Variants in LAMP2 observed in about 807,000 individuals in gnomAD.
LAMP2 encodes lysosome associated membrane protein 2.
In LAMP2, 4 loss-of-function variants were observed where a neutral mutation model predicts 25.6. The observed-to-expected ratio is 0.16, with a 90% CI of 0.08 to 0.36. The LOEUF (loss-of-function observed/expected upper bound fraction) is 0.36. Ranked by LOEUF, LAMP2 falls within the 10% of genes least tolerant of loss-of-function variation. LAMP2 has a pLI of 1.00. For synonymous variants in LAMP2, 108 were observed against 112.7 expected (o/e 0.96, Z 0.27); for missense variants, 272 against 301.4 (o/e 0.90, Z 0.72).
chrX:120,469,106 C>T lies in LAMP2; in HGVS notation c.64G>A (p.Gly22Arg). Residue 22 changes from glycine to arginine, a missense_variant and splice_region_variant, in exon 1 of 9, where the codon GGA (glycine) becomes AGA (arginine). Gly to Arg is a moderately radical substitution (Grantham distance 125). Coordinates refer to ENST00000200639, the MANE Select transcript of LAMP2 (RefSeq NM_002294.3). ...SGLVLVCLVL[G>R]AVRSYALELN... ...TAATCGGGAGGGCCCGACAACTCAC[C>T]CAGGACTAGGCAGACCAGAACGAGC... is the stretch of plus-strand genomic sequence containing the variant. 8.3e-7 allele frequency: 1 copy of T among 1,211,690 alleles called. No individual in the cohort carries two copies. The highest frequency in any genetic ancestry group is 1.1e-6 in the Non-Finnish European group (1 of 895,129).
chrX:120,466,756 C>T (rs1921548221), intron 1 of LAMP2, among the ~76,000 whole-genome samples: 1 of 110,458 alleles, frequency 9.1e-6, no homozygotes, highest in South Asian at 3.7e-4. Flanking sequence ...GTGGTGAGGT[C>T]ATCACATGTT....
chrX:120,468,982 C>A, intron 1 of LAMP2, 124 bp downstream of exon 1: 1 of 795,121 alleles, frequency 1.3e-6, no homozygotes, highest in Non-Finnish European at 1.9e-6. Context: ...CAACCGCCGC[C>A]GCCCAGTGTT....
At chrX:120,448,852 G>A in intron 4 of LAMP2, 118 bp downstream of exon 4, 1 of 611,044 alleles carries the variant, frequency 1.6e-6, no homozygotes, top group South Asian at 2.7e-5. Flanking sequence ...TAGCCTAGTA[G>A]AAGCTATGAA....
Position 120,428,527 on chromosome X carries a change from A to C in LAMP2, c.*2796T>G. The C allele has an allele frequency of 8.3e-7, 1 of 1,200,977 alleles. No homozygotes were observed. Among genetic ancestry groups the C allele is most frequent in the East Asian group, 3.0e-5 (1 of 33,163 alleles). ...AGTACGACTTTTCCTTCTTCCAATCATATAAGAGATAAAGACAACAATTAT... is the reference window on the plus strand; with the variant it reads ...AGTACGACTTTTCCTTCTTCCAATCCTATAAGAGATAAAGACAACAATTAT... On this transcript the variant is annotated 3_prime_UTR_variant, in exon 9 of 9. Transcript: ENST00000200639.
intron 8 of LAMP2, among the ~76,000 whole-genome samples, chrX:120,435,634 A>G (rs2058539799): frequency 8.9e-6 from 1 of 112,131 alleles, no homozygotes; most frequent in Non-Finnish European, 1.9e-5. Flanking sequence ...AATGCAAATT[A>G]TCACTCAAAG....
At chrX:120,462,480 C>A (rs1227190155) in intron 1 of LAMP2, among the ~76,000 whole-genome samples, 1 of 102,930 alleles carries the variant, frequency 9.7e-6, no homozygotes, top group Non-Finnish European at 2.0e-5. Flanking sequence ...CAAGATCACT[C>A]CACTGCACTC....
intron 1 of LAMP2, among the ~76,000 whole-genome samples, chrX:120,464,429 T>C (rs1921451916): frequency 9.0e-6 from 1 of 111,490 alleles, no homozygotes; most frequent in South Asian, 3.7e-4. Flanking sequence ...AGGTAGGCAA[T>C]GGGAAGTAAC....
intron 1 of LAMP2, among the ~76,000 whole-genome samples, chrX:120,463,577 G>T (rs2147291189): frequency 8.9e-6 from 1 of 112,010 alleles, no homozygotes; most frequent in African/African-American, 3.2e-5. Flanking sequence ...ACTACAGAAA[G>T]AAGAGCAGCC....
rs1331124660 is a variant in LAMP2 at position 120,469,180 on chromosome X, A to C, written c.-11T>G. On this transcript the variant is annotated 5_prime_UTR_variant, in exon 1 of 9. Coordinates refer to ENST00000200639, the MANE Select transcript of LAMP2 (RefSeq NM_002294.3). ...GCGGAAGCACACCATGACCCCGCAG[A>C]GCAGGCGGCGACGGCGGCGACGGCG... 1.7e-6 allele frequency: 2 copies of C among 1,211,179 alleles called. No homozygotes were observed. The highest frequency in any genetic ancestry group is 2.2e-6 in the Non-Finnish European group (2 of 894,910).
At position 120,430,763 on chromosome X, in the gene LAMP2, A is replaced by G. The variant is rs1028350037; in HGVS notation, c.*560T>C. ...CAGAGAAATCAGCAAAAGTCACATAACCTTTAAAATGCTGATGGTCCTGAG... is the reference window on the plus strand; with the variant it reads ...CAGAGAAATCAGCAAAAGTCACATAGCCTTTAAAATGCTGATGGTCCTGAG... On this transcript the variant is annotated 3_prime_UTR_variant, in exon 9 of 9. Transcript: ENST00000200639. The G allele has an allele frequency of 1.1e-5, 8 of 752,946 alleles. No homozygotes were observed. In the South Asian group the frequency reaches 5.4e-4, roughly 51 times the overall value. 62.1% of individuals were successfully genotyped at this position (752,946 alleles called of 1,213,427 possible). A position where few individuals can be genotyped will look rare whatever the true frequency, so the allele number is the denominator to read the frequency against.
intron 3 of LAMP2, among the ~76,000 whole-genome samples, chrX:120,453,865 G>A (rs1334667068): frequency 8.9e-6 from 1 of 112,078 alleles, no homozygotes; most frequent in Non-Finnish European, 1.9e-5. Flanking sequence ...ATTTTAACAC[G>A]CATTTCAGTT....
At chrX:120,437,321 G>T in intron 8 of LAMP2, 3 of 735,455 alleles carry the variant, frequency 4.1e-6, no homozygotes, top group Non-Finnish European at 4.8e-6. Context: ...ATATATGTCT[G>T]TGTGTGTGTA....
intron 6 of LAMP2, among the ~76,000 whole-genome samples, chrX:120,445,974 T>A (rs1247807073): frequency 9.0e-6 from 1 of 111,626 alleles, no homozygotes; most frequent in Non-Finnish European, 1.9e-5. Flanking sequence ...AGAGAAAAAA[T>A]TATCATGGAA....
chrX:120,447,603 G>A (rs1405983917), intron 5 of LAMP2, among the ~76,000 whole-genome samples: 4 of 109,770 alleles, frequency 3.6e-5, no homozygotes, highest in African/African-American at 1.0e-4. Context: ...CCAGCAACTC[G>A]GGAGGCTGAG....
intron 3 of LAMP2, among the ~76,000 whole-genome samples, chrX:120,452,838 G>A (rs911413782): frequency 1.8e-5 from 2 of 108,308 alleles, no homozygotes; most frequent in Admixed American, 1.0e-4. Flanking sequence ...ACAGGCATGA[G>A]CTACCATTCT....
Position 120,437,350 on chromosome X carries a change from AT to A in LAMP2, c.1093+4379del. 4.0e-6 allele frequency: 3 copies of A among 747,427 alleles called. No homozygotes were observed. The South Asian group carries it at 2.1e-4, about 51-fold the overall frequency. 61.6% of individuals were successfully genotyped at this position (747,427 alleles called of 1,213,427 possible). A position where few individuals can be genotyped will look rare whatever the true frequency, so the allele number is the denominator to read the frequency against. On this transcript the variant is annotated intron_variant, in intron 8 of 8. Coordinates refer to ENST00000200639, the MANE Select transcript of LAMP2 (RefSeq NM_002294.3). Reference sequence around the variant, plus strand: ...GTGTGTATTGATCCATTCAATGTCAATATTTTGGAACCCAGACAATTTTCTC... The same window carrying A: ...GTGTGTATTGATCCATTCAATGTCAAATTTTGGAACCCAGACAATTTTCTC...
chrX:120,445,754 C>T (rs1358113647), intron 6 of LAMP2, among the ~76,000 whole-genome samples: 1 of 112,343 alleles, frequency 8.9e-6, no homozygotes, highest in African/African-American at 3.2e-5. Context: ...TAGGTTTCAG[C>T]TCTTGATCAA....
At chrX:120,433,886 G>A (rs1008518894) in intron 8 of LAMP2, among the ~76,000 whole-genome samples, 7 of 111,719 alleles carry the variant, frequency 6.3e-5, no homozygotes, top group Non-Finnish European at 1.1e-4. Flanking sequence ...TTTCCCCGCC[G>A]CCCCCACTAG....
intron 1 of LAMP2, among the ~76,000 whole-genome samples, chrX:120,466,967 C>T (rs1438814234): frequency 9.1e-6 from 1 of 110,209 alleles, no homozygotes; most frequent in Admixed American, 9.6e-5. Context: ...CTCGGCCTCC[C>T]AAGTAGCTGG....
Sources: allele counts gnomAD v4.1 joint callset (sites outside exome capture counted in the v4.1 genomes callset), GRCh38; gene constraint gnomAD v4.1.1; transcripts MANE v1.5; gene names NCBI Gene and HGNC (gene_info 2026-07-23, HGNC 2026-07-21).